The following USP9X variants were observed in gnomAD, a reference collection of about 807,000 sequenced individuals.
The protein encoded by USP9X is ubiquitin specific peptidase 9 X-linked, also known as ubiquitin carboxyl-terminal hydrolase 9X.
USP9X carries 7 observed loss-of-function variants against 190.3 expected under a neutral mutation model. The ratio of observed to expected loss-of-function variants is 0.04; its 90% CI spans 0.02 to 0.07. The LOEUF (loss-of-function observed/expected upper bound fraction) is 0.07, where lower values mean the gene tolerates loss of function less well. USP9X is among the 10% of genes least tolerant of loss of function. The pLI is 1.00. For synonymous variants in USP9X, 645 were observed against 659.5 expected (o/e 0.98, Z 0.34); for missense variants, 1,010 against 1,916.9 (o/e 0.53, Z 8.83).
chrX:41,198,794 T>G, intron 30 of USP9X, 44 bp downstream of exon 30: 1 of 1,075,584 alleles, frequency 9.3e-7, no homozygotes, highest in South Asian at 2.1e-5. Flanking sequence ...ATTTCAATGT[T>G]TCAAAGTTGT....
At chrX:41,203,131 G>C (rs777254502) in intron 31 of USP9X, among the ~76,000 whole-genome samples, 171 of 111,467 alleles carry the variant, frequency 1.5e-3, no homozygotes, top group African/African-American at 5.4e-3. Context: ...ATGACCTTTA[G>C]GAATTCTGTC....
intron 21 of USP9X, among the ~76,000 whole-genome samples, chrX:41,181,405 A>G (rs1189733686): frequency 2.2e-5 from 2 of 91,175 alleles, no homozygotes; most frequent in Non-Finnish European, 4.2e-5. Flanking sequence ...AAGAGTAGCT[A>G]GGACTACAGG....
At chrX:41,190,467 C>T (rs1043927772) in intron 26 of USP9X, among the ~76,000 whole-genome samples, 3 of 111,028 alleles carry the variant, frequency 2.7e-5, no homozygotes, top group Non-Finnish European at 5.7e-5. Flanking sequence ...CCCCACAAAT[C>T]GGGTTGGGCG....
At chrX:41,210,809 T>G in intron 33 of USP9X, 127 bp downstream of exon 33, 1 of 710,749 alleles carries the variant, frequency 1.4e-6, no homozygotes, top group Non-Finnish European at 2.0e-6. Flanking sequence ...TGAAACAGAA[T>G]GATTTATATA....
intron 31 of USP9X, among the ~76,000 whole-genome samples, chrX:41,203,991 T>C (rs1853003): frequency 0.14 from 15,495 of 111,421 alleles, 982 homozygotes; most frequent in East Asian, 0.22. Flanking sequence ...AGCCACCATA[T>C]GCGGCCAAAT....
chrX:41,092,834 A>G, intron 1 of USP9X, among the ~76,000 whole-genome samples: 1 of 110,696 alleles, frequency 9.0e-6, no homozygotes, highest in Non-Finnish European at 1.9e-5. Flanking sequence ...GGAGGCTGGA[A>G]TTGGTCTGTT....
chrX:41,121,283 TGAAGAG>T (rs2062188716), intron 1 of USP9X, among the ~76,000 whole-genome samples: 1 of 111,513 alleles, frequency 9.0e-6, no homozygotes, highest in Non-Finnish European at 1.9e-5. Context: ...ATAGAGAACT[TGAAGAG>T]GAAGAAGTCT....
chrX:41,221,194 G>A (rs1197961913), intron 38 of USP9X, among the ~76,000 whole-genome samples: 3 of 107,158 alleles, frequency 2.8e-5, no homozygotes, highest in Admixed American at 1.0e-4. Flanking sequence ...CCCAGAAGGC[G>A]GAGGTTGCAG....
At chrX:41,123,422 A>G (rs1045620031) in intron 1 of USP9X, 49 bp from the exon 2 acceptor site, 2 of 400,212 alleles carry the variant, frequency 5.0e-6, no homozygotes, top group Non-Finnish European at 8.8e-6. Context: ...TCCATAATTC[A>G]TGTTTTTTAT....
At chrX:41,222,939 C>T (rs956031040) in intron 38 of USP9X, among the ~76,000 whole-genome samples, 1 of 111,592 alleles carries the variant, frequency 9.0e-6, no homozygotes, top group Admixed American at 9.5e-5. Flanking sequence ...ATCTTCCTTA[C>T]AGTGAGCCGG....
chrX:41,156,468 C>G lies in USP9X; in HGVS notation c.1897+3387C>G, dbSNP rs1180609197. Among the ~76,000 whole-genome samples, 8 of 112,045 alleles carry G rather than the reference C, an allele frequency of 7.1e-5. No homozygotes were observed. The East Asian group carries it at 2.2e-3, about 31-fold the overall frequency. On this transcript the variant is annotated intron_variant, in intron 14 of 44. Coordinates refer to ENST00000378308, the MANE Select transcript of USP9X (RefSeq NM_001039591.3). Reference sequence around the variant, plus strand: ...TCATGTCCAAGAAAACTGAGACTCCCTTACCCCATTCAGTGCCTGCTTGTA... The same window carrying G: ...TCATGTCCAAGAAAACTGAGACTCCGTTACCCCATTCAGTGCCTGCTTGTA...
At chrX:41,180,632 A>C (rs2062817260) in intron 21 of USP9X, among the ~76,000 whole-genome samples, 1 of 112,127 alleles carries the variant, frequency 8.9e-6, no homozygotes, top group Admixed American at 9.4e-5. Flanking sequence ...AGTTTATTAG[A>C]GCTTCCTTAT....
At chrX:41,176,425 TAA>T (rs1368406270) in intron 21 of USP9X, among the ~76,000 whole-genome samples, 1 of 111,607 alleles carries the variant, frequency 9.0e-6, no homozygotes, top group Non-Finnish European at 1.9e-5. Context: ...CAGGAGATAG[TAA>T]AAAGACACAA....
chrX:41,206,277 A>G (rs1356015183), intron 32 of USP9X, among the ~76,000 whole-genome samples: 2 of 112,065 alleles, frequency 1.8e-5, no homozygotes. Flanking sequence ...GTCTGTCTCA[A>G]AACATGATCA....
At chrX:41,181,087 A>C (rs2062820744) in intron 21 of USP9X, among the ~76,000 whole-genome samples, 3 of 110,580 alleles carry the variant, frequency 2.7e-5, no homozygotes, top group Admixed American at 1.9e-4. Flanking sequence ...AAACTTCTGC[A>C]GTCCTCTCTA....
chrX:41,228,499 T>TA (rs1464228352), intron 41 of USP9X, among the ~76,000 whole-genome samples: 11 of 112,194 alleles, frequency 9.8e-5, no homozygotes, highest in African/African-American at 3.6e-4. Flanking sequence ...TTCTCATTAT[T>TA]AGAATTCAAA....
chrX:41,189,611 T>A lies in USP9X; in HGVS notation c.3977+136T>A. On this transcript the variant is annotated intron_variant, in intron 26 of 44. Coordinates refer to ENST00000378308, the MANE Select transcript of USP9X (RefSeq NM_001039591.3). ...TTGGTATTGAGGAAAATTTTATTAT[T>A]TAAGAGTGTTTTGCTTAACCTAAAT... is the stretch of plus-strand genomic sequence containing the variant. 5 of 541,618 alleles carry A rather than the reference T, an allele frequency of 9.2e-6. No homozygotes were observed. In the South Asian group the frequency reaches 2.7e-4, roughly 29 times the overall value. The allele number at this position is 541,618 out of a possible 1,213,427, so 44.6% of individuals were successfully genotyped here. A position where few individuals can be genotyped will look rare whatever the true frequency, so the allele number is the denominator to read the frequency against.
At chrX:41,168,702 C>T (rs1691226176) in intron 18 of USP9X, among the ~76,000 whole-genome samples, 1 of 111,410 alleles carries the variant, frequency 9.0e-6, no homozygotes, top group African/African-American at 3.3e-5. Flanking sequence ...ACTACATTGC[C>T]CAGGCTGGTT....
At chrX:41,177,911 C>A (rs1296075593) in intron 21 of USP9X, among the ~76,000 whole-genome samples, 1 of 108,687 alleles carries the variant, frequency 9.2e-6, no homozygotes, top group African/African-American at 3.4e-5. Flanking sequence ...TAGGTTAGAC[C>A]CAGACATACA....
Sources: allele counts gnomAD v4.1 joint callset (sites outside exome capture counted in the v4.1 genomes callset), GRCh38; gene constraint gnomAD v4.1.1; transcripts MANE v1.5; gene names NCBI Gene and HGNC (gene_info 2026-07-23, HGNC 2026-07-21).